GRIP1: variants seen among roughly 807,000 people sequenced by gnomAD.
The protein encoded by GRIP1 is glutamate receptor-interacting protein 1.
Under a neutral mutation model 129.9 loss-of-function variants are expected in GRIP1, and 45 were observed. The ratio of observed to expected loss-of-function variants is 0.35; its 90% confidence interval spans 0.27 to 0.44. GRIP1 has a LOEUF of 0.44. Ranked by LOEUF, GRIP1 falls within the 20% of genes least tolerant of loss-of-function variation. GRIP1 has a pLI of 1.00. For missense variants in GRIP1, 1,196 were observed against 1,396.8 expected, an observed-to-expected ratio of 0.86 and a Z score of 2.29; for synonymous variants, 530 against 520.8, an observed-to-expected ratio of 1.02 and a Z score of -0.24.
chr12:66,471,758 C>A (rs967548564), intron 7 of GRIP1, among the ~76,000 whole-genome samples: 4 of 152,168 alleles, frequency 2.6e-5, no homozygotes, highest in African/African-American at 9.7e-5. Flanking sequence ...ATGCCCTCAA[C>A]ACATTTTATG....
intron 1 of GRIP1, among the ~76,000 whole-genome samples, chr12:66,851,514 G>A (rs751515467): frequency 2.4e-4 from 36 of 152,032 alleles, no homozygotes; most frequent in Non-Finnish European, 4.6e-4. Flanking sequence ...AGGTTTCAGT[G>A]CTAATTTGTA....
At chr12:66,999,932 C>T (rs2042526248) in intron 1 of GRIP1, among the ~76,000 whole-genome samples, 1 of 152,142 alleles carries the variant, frequency 6.6e-6, no homozygotes, top group African/African-American at 2.4e-5. Flanking sequence ...ACGCTGTTCT[C>T]CTTTCAAAGC....
At chr12:67,001,715 C>T (rs191042062) in intron 1 of GRIP1, among the ~76,000 whole-genome samples, 40 of 152,162 alleles carry the variant, frequency 2.6e-4, no homozygotes, top group Non-Finnish European at 5.6e-4. Context: ...TCTCTCAAGA[C>T]CCCCAAAGAC....
intron 8 of GRIP1, among the ~76,000 whole-genome samples, chr12:66,464,451 G>A (rs1177421318): frequency 6.6e-6 from 1 of 152,068 alleles, no homozygotes; most frequent in East Asian, 1.9e-4. Context: ...TGAGAGTATA[G>A]GACTTTTTAA....
At chr12:66,638,422 T>C (rs2031609963) in intron 1 of GRIP1, among the ~76,000 whole-genome samples, 1 of 152,204 alleles carries the variant, frequency 6.6e-6, no homozygotes, top group African/African-American at 2.4e-5. Context: ...AGGGTTACAA[T>C]GTGAGCAGGT....
intron 1 of GRIP1, among the ~76,000 whole-genome samples, chr12:66,717,659 ACTCT>A (rs139627248): frequency 0.04 from 6,106 of 152,126 alleles, 239 homozygotes; most frequent in East Asian, 0.19. Context: ...TGTAAGATTG[ACTCT>A]CTCTGTCTGC....
chr12:66,493,720 C>A (rs1304420863), intron 7 of GRIP1, among the ~76,000 whole-genome samples: 1 of 152,152 alleles, frequency 6.6e-6, no homozygotes, highest in Non-Finnish European at 1.5e-5. Flanking sequence ...AGAGACTTAG[C>A]TAAAGGGCAA....
intron 23 of GRIP1, among the ~76,000 whole-genome samples, chr12:66,369,843 G>A (rs964360989): frequency 6.6e-6 from 1 of 152,170 alleles, no homozygotes; most frequent in African/African-American, 2.4e-5. Context: ...ACAGCCTAAT[G>A]GTGTATGTCA....
chr12:66,919,250 T>C (rs970583540), intron 1 of GRIP1, among the ~76,000 whole-genome samples: 2 of 152,152 alleles, frequency 1.3e-5, no homozygotes, highest in Non-Finnish European at 2.9e-5. Flanking sequence ...TGTCCTTCTT[T>C]AGGGTTGGGA....
chr12:66,885,605 GC>G, intron 1 of GRIP1, among the ~76,000 whole-genome samples: 1 of 152,054 alleles, frequency 6.6e-6, no homozygotes, highest in South Asian at 2.1e-4. Context: ...ACTTTAAGTA[GC>G]AGATGGGGTG....
intron 2 of GRIP1, among the ~76,000 whole-genome samples, chr12:66,588,284 C>T (rs751802770): frequency 1.3e-5 from 2 of 151,996 alleles, no homozygotes; most frequent in Non-Finnish European, 2.9e-5. Context: ...CCTGGTAGTT[C>T]GCCTCCTCGG....
At chr12:67,043,837 C>T (rs546323803) in intron 1 of GRIP1, among the ~76,000 whole-genome samples, 2 of 152,150 alleles carry the variant, frequency 1.3e-5, no homozygotes, top group South Asian at 2.1e-4. Flanking sequence ...GAGATATTTG[C>T]ATTTGTACAG....
At chr12:66,636,362 C>T (rs988164837) in intron 1 of GRIP1, among the ~76,000 whole-genome samples, 7 of 152,140 alleles carry the variant, frequency 4.6e-5, no homozygotes, top group African/African-American at 1.7e-4. Flanking sequence ...TATGAATGTA[C>T]TTAATGCCTC....
chr12:66,657,628 C>T (rs1024486980), intron 1 of GRIP1, among the ~76,000 whole-genome samples: 4 of 152,106 alleles, frequency 2.6e-5, no homozygotes, highest in African/African-American at 9.7e-5. Flanking sequence ...ACATCTGAAC[C>T]CTTGCTGGAG....
At chr12:66,354,686 CAAAACA>C (rs757473924) in intron 23 of GRIP1, among the ~76,000 whole-genome samples, 28 of 152,066 alleles carry the variant, frequency 1.8e-4, no homozygotes, top group African/African-American at 6.0e-4. Flanking sequence ...GTAAAATAGT[CAAAACA>C]AAAACAAAAA....
At chr12:66,976,865 T>C (rs943695469) in intron 1 of GRIP1, among the ~76,000 whole-genome samples, 2 of 152,236 alleles carry the variant, frequency 1.3e-5, no homozygotes, top group Non-Finnish European at 2.9e-5. Flanking sequence ...ACTGCCTTAA[T>C]ATTCTCTGTC....
intron 7 of GRIP1, among the ~76,000 whole-genome samples, chr12:66,475,599 G>T (rs1238075598): frequency 6.6e-6 from 1 of 152,144 alleles, no homozygotes; most frequent in Non-Finnish European, 1.5e-5. Flanking sequence ...CTCAGCAAAT[G>T]TAAAAGGACA....
chr12:67,028,596 T>C (rs560732354), intron 1 of GRIP1, among the ~76,000 whole-genome samples: 2 of 152,330 alleles, frequency 1.3e-5, no homozygotes, highest in South Asian at 4.1e-4. Flanking sequence ...AGAATGCTTT[T>C]TATTCAATAG....
At chr12:66,577,535 T>A (rs1289255346) in intron 2 of GRIP1, among the ~76,000 whole-genome samples, 2 of 152,176 alleles carry the variant, frequency 1.3e-5, no homozygotes, top group African/African-American at 2.4e-5. Flanking sequence ...AAGGGTTGAT[T>A]TATAATATTG....
Sources: allele counts gnomAD v4.1 joint callset (sites outside exome capture counted in the v4.1 genomes callset), GRCh38; gene constraint gnomAD v4.1.1; transcripts MANE v1.5; gene names NCBI Gene and HGNC (gene_info 2026-07-23, HGNC 2026-07-21).